Variants in STARD13 observed in about 807,000 individuals in gnomAD.
STARD13 encodes StAR related lipid transfer domain containing 13.
STARD13 carries 62 observed loss-of-function variants against 106.4 expected under a neutral mutation model. That is an observed-to-expected ratio of 0.58 (90% CI 0.48 to 0.72). The LOEUF (loss-of-function observed/expected upper bound fraction) is 0.72. Ranked by LOEUF, STARD13 falls within the 30% of genes least tolerant of loss-of-function variation. The pLI, the probability that STARD13 is intolerant of heterozygous loss-of-function variation, is 0.00. For synonymous variants in STARD13, 565 were observed against 553.0 expected, an observed-to-expected ratio of 1.02 and a Z score of -0.31; for missense variants, 1,387 against 1,424.0, an observed-to-expected ratio of 0.97 and a Z score of 0.42.
At chr13:33,438,397 T>C in the STARD13 span, among the ~76,000 whole-genome samples, 1 of 152,214 alleles carries the variant, frequency 6.6e-6, no homozygotes, top group African/African-American at 2.4e-5. Context: ...TATGTCATAA[T>C]TTACTATTTG....
chr13:33,213,469 C>G (rs141678072), intron 1 of STARD13, among the ~76,000 whole-genome samples: 27 of 152,334 alleles, frequency 1.8e-4, no homozygotes, highest in African/African-American at 6.0e-4. Context: ...TCCATCACAT[C>G]AGCATCTTTC....
At chr13:33,243,085 G>T (rs1402099847) in intron 1 of STARD13, among the ~76,000 whole-genome samples, 5 of 152,042 alleles carry the variant, frequency 3.3e-5, no homozygotes. Flanking sequence ...CTACTCTATT[G>T]CTGTTTTGCC....
Position 33,165,318 on chromosome 13 carries a change from A to C in STARD13, c.323+19T>G, listed in dbSNP as rs780574339. On this transcript the variant is annotated intron_variant, in intron 3 of 13. Coordinates refer to ENST00000336934, the MANE Select transcript of STARD13 (RefSeq NM_178006.4). The stretch of plus-strand genomic sequence containing the variant: ...AGACTGAACAGTGGAAAGAAACAAA[A>C]ATACTTCACATGGTTTACCTGCAAA... 2 of 1,593,964 alleles carry C rather than the reference A, an allele frequency of 1.3e-6. No individual in the cohort carries two copies. Among genetic ancestry groups the C allele is most frequent in the Non-Finnish European group, 1.7e-6 (2 of 1,161,888 alleles).
intron 1 of STARD13, among the ~76,000 whole-genome samples, chr13:33,211,078 G>C (rs1887689182): frequency 6.6e-6 from 1 of 151,856 alleles, no homozygotes; most frequent in South Asian, 2.1e-4. Context: ...TTATTGTATA[G>C]GACAGGATCA....
intron 1 of STARD13, among the ~76,000 whole-genome samples, chr13:33,177,797 AAGGAAAGGAAGGAAGGAAGG>A (rs1884709782): frequency 2.7e-4 from 8 of 29,992 alleles, no homozygotes. Context: ...GGAAGGAAGG[AAGGAAAGGAAGGAAGGAAGG>A]AAGGAAGGAA....
intron 8 of STARD13, among the ~76,000 whole-genome samples, chr13:33,116,881 T>C (rs1010049297): frequency 3.3e-5 from 5 of 152,218 alleles, no homozygotes; most frequent in Middle Eastern, 3.2e-3. Context: ...GAGTTTGCAG[T>C]ATCATGGACT....
At chr13:33,217,044 G>C (rs1888084892) in intron 1 of STARD13, among the ~76,000 whole-genome samples, 1 of 152,116 alleles carries the variant, frequency 6.6e-6, no homozygotes, top group East Asian at 1.9e-4. Context: ...AACAGTAGTG[G>C]TCTTCCTGTG....
At chr13:33,109,780 A>G in intron 12 of STARD13, 93 bp downstream of exon 12, 1 of 1,220,544 alleles carries the variant, frequency 8.2e-7, no homozygotes, top group Non-Finnish European at 1.2e-6. Flanking sequence ...TGGAGGCTGG[A>G]CTTTGGTGGG....
At chr13:33,637,304 G>A in the STARD13 span, among the ~76,000 whole-genome samples, 2 of 152,172 alleles carry the variant, frequency 1.3e-5, no homozygotes, top group South Asian at 2.1e-4. Context: ...GCCTGAAGGA[G>A]GGGAAGAGGC....
chr13:33,214,814 G>T (rs945872505), intron 1 of STARD13, among the ~76,000 whole-genome samples: 3 of 151,876 alleles, frequency 2.0e-5, no homozygotes, highest in Admixed American at 1.3e-4. Context: ...ACCAGAATGT[G>T]CTTCAAAACA....
At chr13:33,367,129 A>G in the STARD13 span, among the ~76,000 whole-genome samples, 1 of 152,338 alleles carries the variant, frequency 6.6e-6, no homozygotes, top group Middle Eastern at 3.4e-3. Context: ...TTCTGCCGCT[A>G]TGGAGATAAT....
At chr13:33,320,759 C>T (rs1263859416) in intron 1 of STARD13, among the ~76,000 whole-genome samples, 1 of 152,136 alleles carries the variant, frequency 6.6e-6, no homozygotes, top group Non-Finnish European at 1.5e-5. Flanking sequence ...CTGCTTGAGG[C>T]CAGGAATCTG....
intron 1 of STARD13, among the ~76,000 whole-genome samples, chr13:33,212,694 CA>C (rs1887794937): frequency 6.6e-6 from 1 of 152,180 alleles, no homozygotes; most frequent in South Asian, 2.1e-4. Context: ...GCAAGCATTC[CA>C]GGTAATGTGG....
At chr13:33,402,186 C>T in the STARD13 span, among the ~76,000 whole-genome samples, 2 of 152,142 alleles carry the variant, frequency 1.3e-5, no homozygotes, top group African/African-American at 4.8e-5. Context: ...AATTGTACAT[C>T]TCCCATGATA....
At chr13:33,499,998 C>A in the STARD13 span, among the ~76,000 whole-genome samples, 1 of 151,918 alleles carries the variant, frequency 6.6e-6, no homozygotes, top group Admixed American at 6.6e-5. Flanking sequence ...AAGCAATCCT[C>A]CCACCTTGGC....
chr13:33,643,350 A>G, the STARD13 span, among the ~76,000 whole-genome samples: 1 of 152,202 alleles, frequency 6.6e-6, no homozygotes, highest in African/African-American at 2.4e-5. Flanking sequence ...CACGCCTTCA[A>G]AAGGAATGGC....
chr13:33,131,056 C>T (rs1878216405), intron 4 of STARD13, among the ~76,000 whole-genome samples: 1 of 152,220 alleles, frequency 6.6e-6, no homozygotes. Flanking sequence ...CACACATTGA[C>T]TCTAGGTGTC....
the STARD13 span, among the ~76,000 whole-genome samples, chr13:33,398,861 A>C: frequency 1.3e-5 from 2 of 152,222 alleles, no homozygotes; most frequent in Non-Finnish European, 2.9e-5. Flanking sequence ...GTTTTCTTAC[A>C]TAATGACTAC....
chr13:33,429,918 CT>C, the STARD13 span, among the ~76,000 whole-genome samples: 1,118 of 133,120 alleles, frequency 8.4e-3, 34 homozygotes, highest in Admixed American at 0.048. Flanking sequence ...CTTAATTGTA[CT>C]TTTTTTTTGG....
Sources: allele counts gnomAD v4.1 joint callset (sites outside exome capture counted in the v4.1 genomes callset), GRCh38; gene constraint gnomAD v4.1.1; transcripts MANE v1.5; gene names NCBI Gene and HGNC (gene_info 2026-07-23, HGNC 2026-07-21).